Variants in MAP4K4 observed in about 807,000 individuals in gnomAD.
MAP4K4 encodes HPK/GCK-like kinase HGK.
In MAP4K4, 38 loss-of-function variants were observed where a neutral mutation model predicts 189.6. The observed-to-expected ratio is 0.20, with a 90% CI of 0.15 to 0.26. The LOEUF (loss-of-function observed/expected upper bound fraction) is 0.26, where lower values mean the gene tolerates loss of function less well. MAP4K4 is among the 10% of genes least tolerant of loss of function. The pLI, the probability that MAP4K4 is intolerant of heterozygous loss-of-function variation, is 1.00. For synonymous variants in MAP4K4, 610 were observed against 624.3 expected (o/e 0.98, Z 0.34); for missense variants, 1,054 against 1,726.9 (o/e 0.61, Z 6.91).
intron 3 of MAP4K4, among the ~76,000 whole-genome samples, chr2:101,791,871 C>T (rs1263986286): frequency 2.0e-5 from 3 of 152,190 alleles, no homozygotes; most frequent in Non-Finnish European, 4.4e-5. Flanking sequence ...TGACCACTCT[C>T]TTTTCTCTGT....
chr2:101,700,826 C>T (rs1377531814), intron 2 of MAP4K4, among the ~76,000 whole-genome samples: 1 of 149,912 alleles, frequency 6.7e-6, no homozygotes, highest in Non-Finnish European at 1.5e-5. Flanking sequence ...TGTTTACAAG[C>T]GGGTACTGGG....
At chr2:101,722,882 A>G (rs1449129165) in intron 2 of MAP4K4, among the ~76,000 whole-genome samples, 1 of 152,250 alleles carries the variant, frequency 6.6e-6, no homozygotes, top group African/African-American at 2.4e-5. Context: ...GTAGCAGTAT[A>G]CAGCATCTGT....
chr2:101,789,536 C>CGTAT (rs1450653603), intron 2 of MAP4K4, among the ~76,000 whole-genome samples: 1 of 152,170 alleles, frequency 6.6e-6, no homozygotes, highest in African/African-American at 2.4e-5. Context: ...AGTTGTAATA[C>CGTAT]AGTGTCATTT....
chr2:101,702,646 C>T (rs2039614555), intron 2 of MAP4K4, among the ~76,000 whole-genome samples: 1 of 152,108 alleles, frequency 6.6e-6, no homozygotes, highest in African/African-American at 2.4e-5. Flanking sequence ...AGGGGAAATC[C>T]GGTAACAGTA....
chr2:101,742,773 T>C (rs998369902), intron 2 of MAP4K4, among the ~76,000 whole-genome samples: 1 of 152,226 alleles, frequency 6.6e-6, no homozygotes, highest in Non-Finnish European at 1.5e-5. Flanking sequence ...ATATTACTCC[T>C]AACTGTATTT....
chr2:101,855,175 C>T (rs2097410875), intron 12 of MAP4K4, among the ~76,000 whole-genome samples: 1 of 152,112 alleles, frequency 6.6e-6, no homozygotes, highest in Admixed American at 6.5e-5. Flanking sequence ...CTGAGTGAGT[C>T]TGGTGATTCA....
intron 7 of MAP4K4, 35 bp downstream of exon 7, chr2:101,831,886 C>T (rs541391288): frequency 2.5e-6 from 4 of 1,607,030 alleles, no homozygotes; most frequent in African/African-American, 1.3e-5. Context: ...CTTTGCAGGG[C>T]CACTGGCATA....
At chr2:101,843,371 C>T (rs2096979155) in intron 11 of MAP4K4, among the ~76,000 whole-genome samples, 1 of 152,202 alleles carries the variant, frequency 6.6e-6, no homozygotes, top group South Asian at 2.1e-4. Flanking sequence ...ATTGAAGCTA[C>T]TGCATAATCT....
chr2:101,842,071 C>A (rs1000949848), intron 10 of MAP4K4, among the ~76,000 whole-genome samples: 1 of 152,102 alleles, frequency 6.6e-6, no homozygotes, highest in Non-Finnish European at 1.5e-5. Flanking sequence ...CTGGTTTTGC[C>A]AGGTTTGTTT....
chr2:101,842,155 T>A (rs1046028802), intron 10 of MAP4K4, among the ~76,000 whole-genome samples: 4 of 152,250 alleles, frequency 2.6e-5, no homozygotes, highest in Non-Finnish European at 1.5e-5. Flanking sequence ...GGCTTTTCTC[T>A]CTGCTGCACT....
intron 2 of MAP4K4, among the ~76,000 whole-genome samples, chr2:101,774,018 A>C (rs1350235166): frequency 6.6e-6 from 1 of 152,146 alleles, no homozygotes; most frequent in African/African-American, 2.4e-5. Flanking sequence ...TGCAGCAACA[A>C]ACGTGGGAGT....
intron 2 of MAP4K4, among the ~76,000 whole-genome samples, chr2:101,747,679 GT>G (rs1040865140): frequency 1.7e-4 from 26 of 151,986 alleles, no homozygotes; most frequent in African/African-American, 6.3e-4. Flanking sequence ...TCCTTCCAAG[GT>G]TTTTTTCCCT....
At chr2:101,864,993 A>T in exon 18 of MAP4K4, 1 of 1,575,952 alleles carries the variant, frequency 6.3e-7, no homozygotes, top group Non-Finnish European at 8.6e-7. Flanking sequence ...ACTGCAGGGC[A>T]GTGGGCAGCA....
chr2:101,715,764 C>T (rs762762737), intron 2 of MAP4K4, among the ~76,000 whole-genome samples: 3 of 152,114 alleles, frequency 2.0e-5, no homozygotes, highest in Non-Finnish European at 2.9e-5. Context: ...TTCTGAGTTT[C>T]AGACAAGTAC....
At chr2:101,761,925 G>C (rs934502884) in intron 2 of MAP4K4, among the ~76,000 whole-genome samples, 1 of 152,140 alleles carries the variant, frequency 6.6e-6, no homozygotes, top group African/African-American at 2.4e-5. Flanking sequence ...TTCAGCGCTG[G>C]TGCTGAGTCA....
chr2:101,891,536 T>C (rs2098567289), exon 33 of MAP4K4: 1 of 245,586 alleles, frequency 4.1e-6, no homozygotes, highest in Non-Finnish European at 8.0e-6. Flanking sequence ...AGCATCATAC[T>C]GGAAAGCAAA....
chr2:101,891,036 T>C, intron 32 of MAP4K4, 130 bp from the exon 33 acceptor site: 1 of 710,740 alleles, frequency 1.4e-6, no homozygotes, highest in Non-Finnish European at 2.5e-6. Context: ...AGAGTTTCTT[T>C]TGAAAAGGCT....
rs540073249 is a variant in MAP4K4, at chr2:101,706,750, A to G, written c.123+8212A>G. Among the ~76,000 whole-genome samples, 7 of 152,284 alleles carry G rather than the reference A, an allele frequency of 4.6e-5. No homozygotes were observed. The East Asian group carries it at 9.6e-4, about 21-fold the overall frequency. On this transcript the variant is annotated intron_variant, in intron 2 of 32. Coordinates refer to ENST00000324219, the Ensembl canonical transcript of MAP4K4. Reference sequence around the variant, plus strand: ...GTCCTGGAATGTCTGTTTCCTGGATACTGCAGTCTTCCTTTTTGGTTTACT... The same window carrying G: ...GTCCTGGAATGTCTGTTTCCTGGATGCTGCAGTCTTCCTTTTTGGTTTACT...
At chr2:101,805,812 G>C (rs2094871748) in intron 3 of MAP4K4, among the ~76,000 whole-genome samples, 1 of 152,208 alleles carries the variant, frequency 6.6e-6, no homozygotes, top group Admixed American at 6.5e-5. Flanking sequence ...TTTCCCAGCT[G>C]CTACAGGTCT....
Sources: allele counts gnomAD v4.1 joint callset (sites outside exome capture counted in the v4.1 genomes callset), GRCh38; gene constraint gnomAD v4.1.1; transcripts MANE v1.5; gene names NCBI Gene and HGNC (gene_info 2026-07-23, HGNC 2026-07-21).